The following RBFOX1 variants were observed in gnomAD, a reference collection of about 807,000 sequenced individuals.
The protein encoded by RBFOX1 is RNA binding protein fox-1 homolog 1.
A neutral mutation model predicts 57.7 loss-of-function variants in RBFOX1; 8 were observed. That is an observed-to-expected ratio of 0.14 (90% CI 0.08 to 0.25). RBFOX1 has a LOEUF of 0.25. Ranked by LOEUF, RBFOX1 falls within the 10% of genes least tolerant of loss-of-function variation. The pLI is 1.00. For synonymous variants in RBFOX1, 326 were observed against 222.4 expected (o/e 1.47, Z -4.15); for missense variants, 611 against 548.5 (o/e 1.11, Z -1.14).
chr16:5,731,962 CT>C (rs1460526422), intron 3 of RBFOX1, among the ~76,000 whole-genome samples: 1 of 152,186 alleles, frequency 6.6e-6, no homozygotes, highest in Non-Finnish European at 1.5e-5. Context: ...GACCCAAAAG[CT>C]TAATGAATCT....
intron 5 of RBFOX1, among the ~76,000 whole-genome samples, chr16:7,535,562 C>G (rs1174300953): frequency 6.6e-6 from 1 of 152,204 alleles, no homozygotes; most frequent in African/African-American, 2.4e-5. Context: ...TTTCCACTGA[C>G]TTTGCTGGAG....
Position 5,750,128 on chromosome 16 carries a change from C to G in RBFOX1, c.319-117175C>G, listed in dbSNP as rs533907733. Among the ~76,000 whole-genome samples, 161 of 152,286 alleles carry G rather than the reference C, an allele frequency of 1.1e-3. 2 individuals carry two copies. Among genetic ancestry groups the G allele is most frequent in the African/African-American group, 3.7e-3 (155 of 41,560 alleles). On this transcript the variant is annotated intron_variant, in intron 3 of 19. Transcript: ENST00000641259. ...AGGTCTGTTGGAGTTTGCTGGAGGT[C>G]CATTCCAGACCCTGTTTGCCTGGGT...
chr16:7,533,483 A>T (rs745907467), intron 5 of RBFOX1, among the ~76,000 whole-genome samples: 1 of 152,194 alleles, frequency 6.6e-6, no homozygotes, highest in Non-Finnish European at 1.5e-5. Context: ...TGATGGGGCT[A>T]TGTCCCAATA....
At chr16:7,696,937 G>T (rs11077214) in intron 14 of RBFOX1, among the ~76,000 whole-genome samples, 35,394 of 152,038 alleles carry the variant, frequency 0.23, 4,356 homozygotes, top group East Asian at 0.48. Context: ...AAGACATCCA[G>T]TGTGGCCCAC....
At chr16:6,076,021 G>A (rs369729019) in intron 1 of RBFOX1, among the ~76,000 whole-genome samples, 9 of 152,118 alleles carry the variant, frequency 5.9e-5, no homozygotes, top group East Asian at 1.9e-4. Flanking sequence ...GCTCTTGGCC[G>A]GGCGTGGTGG....
chr16:6,382,273 G>C (rs925413693), intron 2 of RBFOX1, among the ~76,000 whole-genome samples: 1 of 152,166 alleles, frequency 6.6e-6, no homozygotes, highest in Non-Finnish European at 1.5e-5. Context: ...AGCATAGTTT[G>C]TTGGTCCCGT....
intron 2 of RBFOX1, among the ~76,000 whole-genome samples, chr16:6,562,880 C>CTTTTTTTTTTTTTTT (rs71145250): frequency 1.9e-5 from 1 of 51,778 alleles, no homozygotes; most frequent in Non-Finnish European, 3.9e-5. Context: ...TTCTTTCTTT[C>CTTTTTTTTTTTTTTT]TTTTTTTTTT....
intron 1 of RBFOX1, among the ~76,000 whole-genome samples, chr16:6,024,770 CA>C (rs1485703439): frequency 1.3e-5 from 2 of 152,248 alleles, no homozygotes; most frequent in Non-Finnish European, 2.9e-5. Context: ...AGGCGTGAGC[CA>C]CCACGCCCAG....
intron 2 of RBFOX1, among the ~76,000 whole-genome samples, chr16:5,515,820 G>A (rs78077377): frequency 0.023 from 3,454 of 152,208 alleles, 83 homozygotes; most frequent in African/African-American, 0.064. Flanking sequence ...GAAATGATGC[G>A]TAAGGCTCCC....
At position 7,676,690 on chromosome 16, in the gene RBFOX1, G is replaced by C. The variant is rs1419140339; in HGVS notation, c.931-84G>C. 30 of 1,198,604 alleles carry C rather than the reference G, an allele frequency of 2.5e-5. No individual in the cohort carries two copies. In the South Asian group the frequency reaches 2.6e-4, roughly 10 times the overall value. 74.2% of individuals were successfully genotyped at this position (1,198,604 alleles called of 1,614,324 possible). ...TTTAGCTCAGTAGATTTGGGTAACAGCTGCTCTGGTGTGGTCTTGCCACTG... is the reference window on the plus strand; with the variant it reads ...TTTAGCTCAGTAGATTTGGGTAACACCTGCTCTGGTGTGGTCTTGCCACTG... On this transcript the variant is annotated intron_variant, in intron 13 of 15. Transcript: ENST00000550418.
chr16:5,240,821 C>G (rs1030946120), intron 1 of RBFOX1, among the ~76,000 whole-genome samples: 1 of 152,170 alleles, frequency 6.6e-6, no homozygotes, highest in Non-Finnish European at 1.5e-5. Context: ...CCAGCCTGGC[C>G]TCCTGGGGTT....
chr16:6,948,716 C>T (rs545544704), intron 3 of RBFOX1, among the ~76,000 whole-genome samples: 12 of 152,226 alleles, frequency 7.9e-5, no homozygotes, highest in African/African-American at 2.4e-5. Flanking sequence ...CCTCCTCCAT[C>T]ATTTGACTAT....
chr16:6,298,127 C>T (rs527584442), intron 1 of RBFOX1, among the ~76,000 whole-genome samples: 2 of 152,194 alleles, frequency 1.3e-5, no homozygotes, highest in Non-Finnish European at 2.9e-5. Context: ...GTAACACACG[C>T]CCAGTTGGGC....
At chr16:7,119,209 C>G (rs966698842) in intron 4 of RBFOX1, among the ~76,000 whole-genome samples, 1 of 152,170 alleles carries the variant, frequency 6.6e-6, no homozygotes, top group South Asian at 2.1e-4. Context: ...AAGCAATGCT[C>G]TATTACTGTA....
intron 2 of RBFOX1, among the ~76,000 whole-genome samples, chr16:6,650,295 T>C (rs2098575113): frequency 2.0e-5 from 3 of 151,792 alleles, no homozygotes; most frequent in Admixed American, 2.0e-4. Context: ...TTTTTTTCTT[T>C]TTTTGCTGTG....
At chr16:6,656,705 A>T (rs2098655736) in intron 3 of RBFOX1, among the ~76,000 whole-genome samples, 1 of 151,520 alleles carries the variant, frequency 6.6e-6, no homozygotes, top group Non-Finnish European at 1.5e-5. Flanking sequence ...GAGTTTTCCC[A>T]TTTTTTTCTA....
intron 2 of RBFOX1, among the ~76,000 whole-genome samples, chr16:5,538,010 A>T (rs2044768545): frequency 6.6e-6 from 1 of 152,212 alleles, no homozygotes; most frequent in Non-Finnish European, 1.5e-5. Context: ...CATAAGAACC[A>T]CAGAGATACC....
intron 3 of RBFOX1, among the ~76,000 whole-genome samples, chr16:7,051,526 T>G (rs1851295329): frequency 6.6e-6 from 1 of 152,178 alleles, no homozygotes; most frequent in Admixed American, 6.5e-5. Context: ...GCTTCACAAT[T>G]CTCCCCAGCA....
intron 3 of RBFOX1, among the ~76,000 whole-genome samples, chr16:6,985,246 A>G (rs1301212564): frequency 1.3e-5 from 2 of 150,918 alleles, no homozygotes; most frequent in Non-Finnish European, 3.0e-5. Flanking sequence ...TTTCTGGGCT[A>G]CATGCCACAT....
Sources: allele counts gnomAD v4.1 joint callset (sites outside exome capture counted in the v4.1 genomes callset), GRCh38; gene constraint gnomAD v4.1.1; transcripts MANE v1.5; gene names NCBI Gene and HGNC (gene_info 2026-07-23, HGNC 2026-07-21).